FBXL13: variants seen among roughly 807,000 people sequenced by gnomAD.
FBXL13 encodes the protein F-box and leucine-rich repeat protein 13.
FBXL13 carries 67 observed loss-of-function variants against 83.6 expected under a neutral mutation model. That is an observed-to-expected ratio of 0.80 (90% CI 0.66 to 0.98). The LOEUF (loss-of-function observed/expected upper bound fraction) is 0.98, where lower values mean the gene tolerates loss of function less well. Ranked by LOEUF, FBXL13 falls within the 50% of genes least tolerant of loss-of-function variation. The pLI, the probability that FBXL13 is intolerant of heterozygous loss-of-function variation, is 0.00. For synonymous variants in FBXL13, 272 were observed against 299.5 expected, an observed-to-expected ratio of 0.91 and a Z score of 0.95; for missense variants, 822 against 866.5, an observed-to-expected ratio of 0.95 and a Z score of 0.64.
intron 16 of FBXL13, among the ~76,000 whole-genome samples, chr7:102,875,000 A>C (rs1809024890): frequency 6.6e-6 from 1 of 152,222 alleles, no homozygotes; most frequent in Non-Finnish European, 1.5e-5. Context: ...TCAGTCAACA[A>C]ATATTCCCCC....
At chr7:102,951,041 A>G (rs1305028307) in intron 8 of FBXL13, among the ~76,000 whole-genome samples, 1 of 152,198 alleles carries the variant, frequency 6.6e-6, no homozygotes, top group African/African-American at 2.4e-5. Context: ...AGCTTCACCA[A>G]TTGTAACAAG....
chr7:102,909,207 G>C (rs1281947585), intron 11 of FBXL13, among the ~76,000 whole-genome samples: 1 of 152,164 alleles, frequency 6.6e-6, no homozygotes, highest in African/African-American at 2.4e-5. Flanking sequence ...GTATTGCCAG[G>C]CTACCAATGA....
intron 11 of FBXL13, among the ~76,000 whole-genome samples, chr7:102,910,746 G>A (rs1045549127): frequency 3.3e-5 from 5 of 152,166 alleles, no homozygotes; most frequent in Non-Finnish European, 5.9e-5. Context: ...GCGTGCAAGA[G>A]AAAAGCATTA....
intron 6 of FBXL13, among the ~76,000 whole-genome samples, chr7:103,019,693 C>T (rs1269647868): frequency 1.3e-4 from 20 of 152,196 alleles, no homozygotes; most frequent in Non-Finnish European, 2.6e-4. Context: ...ATACTATAAA[C>T]ACCTCTATGC....
intron 11 of FBXL13, among the ~76,000 whole-genome samples, chr7:102,894,783 C>T (rs144335397): frequency 6.6e-6 from 1 of 151,174 alleles, no homozygotes; most frequent in East Asian, 2.0e-4. Context: ...TTTTATATTT[C>T]ATAGCTTCCT....
intron 6 of FBXL13, among the ~76,000 whole-genome samples, 167 bp from the exon 8 acceptor site, chr7:102,968,284 T>C (rs1284400136): frequency 6.6e-6 from 1 of 152,242 alleles, no homozygotes; most frequent in Non-Finnish European, 1.5e-5. Flanking sequence ...AGTGCTAGAA[T>C]TTTATCTGAA....
At chr7:102,933,961 T>G in intron 8 of FBXL13, 2 of 1,613,720 alleles carry the variant, frequency 1.2e-6, no homozygotes, top group Non-Finnish European at 1.7e-6. Flanking sequence ...GCAAAGCGGC[T>G]GAGCTGCGCA....
chr7:102,816,302 G>T (rs1236989861), intron 19 of FBXL13: 1 of 152,222 alleles, frequency 6.6e-6, no homozygotes, highest in Admixed American at 6.5e-5. Context: ...GTTTTAGTCT[G>T]AAGTGCTTTC....
At chr7:103,066,157 T>C (rs1003384287) in intron 1 of FBXL13, among the ~76,000 whole-genome samples, 22 of 152,234 alleles carry the variant, frequency 1.4e-4, no homozygotes, top group African/African-American at 4.8e-4. Context: ...TATAATCAGC[T>C]GTCTAGTTTT....
chr7:102,906,804 T>C (rs545299275), intron 11 of FBXL13, among the ~76,000 whole-genome samples: 2 of 152,338 alleles, frequency 1.3e-5, no homozygotes, highest in South Asian at 4.1e-4. Flanking sequence ...GGGAGCTTGA[T>C]TATTAAATGC....
intron 11 of FBXL13, among the ~76,000 whole-genome samples, chr7:102,887,274 G>C (rs145764810): frequency 2.0e-5 from 3 of 152,170 alleles, no homozygotes; most frequent in Non-Finnish European, 2.9e-5. Flanking sequence ...GAACAAGACA[G>C]GTGATTTACA....
chr7:103,037,058 C>T (rs1003964970), intron 2 of FBXL13, among the ~76,000 whole-genome samples: 4 of 152,126 alleles, frequency 2.6e-5, no homozygotes, highest in Non-Finnish European at 5.9e-5. Context: ...AAATAGCAGA[C>T]AGAATATACA....
intron 6 of FBXL13, among the ~76,000 whole-genome samples, chr7:103,015,071 C>G (rs1664453846): frequency 1.3e-5 from 2 of 151,748 alleles, no homozygotes; most frequent in African/African-American, 4.8e-5. Context: ...TGATACACCA[C>G]AAAAACAGAA....
intron 16 of FBXL13, among the ~76,000 whole-genome samples, chr7:102,867,695 A>ATATAT (rs1239781180): frequency 8.2e-5 from 4 of 49,078 alleles, no homozygotes; most frequent in African/African-American, 1.2e-4. Context: ...ATATATATAT[A>ATATAT]TTTTTTTTTT....
intron 8 of FBXL13, among the ~76,000 whole-genome samples, chr7:102,941,546 A>G (rs1030966953): frequency 6.6e-6 from 1 of 152,102 alleles, no homozygotes; most frequent in African/African-American, 2.4e-5. Context: ...TCTCCATTGC[A>G]ATTCCCCTGT....
chr7:102,978,673 C>T, intron 6 of FBXL13: 1 of 239,600 alleles, frequency 4.2e-6, no homozygotes, highest in Non-Finnish European at 8.5e-6. Flanking sequence ...CTCCACACTG[C>T]CTCGTGTTGT....
chr7:102,995,637 ATT>A (rs1384271559), intron 6 of FBXL13, among the ~76,000 whole-genome samples: 2 of 151,650 alleles, frequency 1.3e-5, no homozygotes, highest in African/African-American at 4.8e-5. Context: ...GAATACAAAA[ATT>A]AGCCAGGCGT....
Position 102,917,198 on chromosome 7 carries a change from C to G in FBXL13, c.879-3983G>C, listed in dbSNP as rs151152966. On this transcript the variant is annotated intron_variant, in intron 10 of 19. Coordinates refer to ENST00000313221, the Ensembl canonical transcript of FBXL13. ...TTTACAGGGTAGACCTTGAAGTTGT[C>G]CAGTCAAGACAACAGCTTACTTTGT... Among the ~76,000 whole-genome samples, 568 of 152,256 alleles carry G rather than the reference C, an allele frequency of 3.7e-3. 5 individuals carry two copies. Among genetic ancestry groups the G allele is most frequent in the African/African-American group, 0.014 (561 of 41,548 alleles).
At chr7:102,900,923 G>T (rs918218191) in intron 11 of FBXL13, among the ~76,000 whole-genome samples, 4 of 152,212 alleles carry the variant, frequency 2.6e-5, no homozygotes, top group African/African-American at 9.6e-5. Flanking sequence ...TACAAATTAA[G>T]AAGTGATTAG....
Sources: gnomAD v4.1 joint callset for allele counts (sites outside exome capture counted in the v4.1 genomes callset) on GRCh38, gnomAD v4.1.1 for gene constraint, MANE v1.5 for transcripts, NCBI Gene and HGNC (gene_info 2026-07-23, HGNC 2026-07-21) for gene names.